The following FLNA variants were observed in gnomAD, a reference collection of about 807,000 sequenced individuals.
FLNA encodes filamin A.
A neutral mutation model predicts 157.6 loss-of-function variants in FLNA; 7 were observed. The ratio of observed to expected loss-of-function variants is 0.04; its 90% CI spans 0.03 to 0.08. The LOEUF is 0.08. FLNA is among the 10% of genes least tolerant of loss of function. The pLI is 1.00. For missense variants in FLNA, 1,750 were observed against 2,398.4 expected (o/e 0.73, Z 5.65); for synonymous variants, 1,103 against 1,060.8 (o/e 1.04, Z -0.77).
rs1321605378 is a variant in FLNA, at chrX:154,364,014, T to C, written c.2280+8A>G. 8.3e-7 allele frequency: 1 copy of C among 1,208,556 alleles called. No homozygotes were observed. Among genetic ancestry groups the C allele is most frequent in the Non-Finnish European group, 1.1e-6 (1 of 894,056 alleles). On this transcript the variant is annotated splice_region_variant and intron_variant, in intron 15 of 47. Transcript: ENST00000369850. ...AGATGGACTAAAGGCCGGTGGAGGT[T>C]GGCTCACCCTGAAGGGGCTGTTGGG...
chrX:154,360,144 G>A lies in FLNA; in HGVS notation c.3651C>T (p.His1217=), dbSNP rs1235523285. 1.7e-6 allele frequency: 2 copies of A among 1,208,609 alleles called. No individual in the cohort carries two copies. Among genetic ancestry groups the A allele is most frequent in the Non-Finnish European group, 2.2e-6 (2 of 893,763 alleles). ...GGCAGAGGGGAATGTAGGTAATGGT[G>A]TGCGTGCCATCACCGTGGTCCTGGA... is the stretch of plus-strand genomic sequence containing the variant. ...VYIQDHGDGT[H]TITYIPLCPG... The change falls in exon 22 of 48, where the codon CAC becomes CAT. Residue 1217 remains histidine (H), a synonymous_variant. Transcript: ENST00000369850.
rs782231907 is a variant in FLNA at position 154,360,540 on chromosome X, G to C, written c.3255C>G (p.Pro1085=). 3 of 1,208,567 alleles carry C rather than the reference G, an allele frequency of 2.5e-6. No individual in the cohort carries two copies. Among genetic ancestry groups the C allele is most frequent in the Admixed American group, 4.3e-5 (2 of 46,005 alleles). ...PGLQGGSAGS[P]ARFTIDTKGA... The stretch of plus-strand genomic sequence containing the variant: ...CCTTGGTGTCGATGGTGAAGCGGGC[G>C]GGGGAGCCCGCACTGCCTCCCTGCA... Residue 1085 remains proline, a synonymous_variant, in exon 22 of 48, where the codon CCC becomes CCG. Coordinates refer to ENST00000369850, the MANE Select transcript of FLNA (RefSeq NM_001110556.2).
chrX:154,373,082 G>T (rs1192391036), intron 1 of FLNA, among the ~76,000 whole-genome samples: 1 of 111,916 alleles, frequency 8.9e-6, no homozygotes, highest in Non-Finnish European at 1.9e-5. Flanking sequence ...TGGGCGTCTG[G>T]GAGCTGGGGT....
At chrX:154,371,657 G>A (rs1373020498) in intron 1 of FLNA, among the ~76,000 whole-genome samples, 1 of 113,401 alleles carries the variant, frequency 8.8e-6, no homozygotes, top group Non-Finnish European at 1.9e-5. Flanking sequence ...TCTGGCGCGG[G>A]ACTGCTTGGC....
At chrX:154,352,483 T>C (rs782726689) in intron 40 of FLNA, 36 bp from the exon 41 acceptor site, 1 of 1,211,508 alleles carries the variant, frequency 8.3e-7, no homozygotes, top group Admixed American at 2.2e-5. Context: ...GCAGCAGCCC[T>C]GGGCTCCACC....
chrX:154,358,453 T>C lies in FLNA; in HGVS notation c.4590A>G (p.Val1530=). 2 of 1,211,038 alleles carry C rather than the reference T, an allele frequency of 1.7e-6. No individual in the cohort carries two copies. Among genetic ancestry groups the C allele is most frequent in the Non-Finnish European group, 2.2e-6 (2 of 895,262 alleles). The stretch of plus-strand genomic sequence containing the variant: ...CAGGCCCTGCCTCTTACCTCCGGGG[T>C]ACCTCTTCATCTCCATACAGTACTG... The part of the protein sequence containing the change: ...SISVLYGDEE[V]PRSPFKVKVL... Residue 1530 remains valine (V), a synonymous_variant, in exon 27 of 48, where the codon GTA becomes GTG. Transcript: ENST00000369850.
At position 154,349,890 on chromosome X, in the gene FLNA, A is replaced by G. The variant is rs782428329; in HGVS notation, c.7334-23T>C. 11 of 1,200,364 alleles carry G rather than the reference A, an allele frequency of 9.2e-6. No homozygotes were observed. The South Asian group carries it at 1.6e-4, about 17-fold the overall frequency. On this transcript the variant is annotated intron_variant, in intron 45 of 47. Transcript: ENST00000369850. Reference sequence around the variant, plus strand: ...TCCCTGGGAGCACAGGAGGTCAGGCAGAGCCAGACTGGCCTGCCTCCCTGT... The same window carrying G: ...TCCCTGGGAGCACAGGAGGTCAGGCGGAGCCAGACTGGCCTGCCTCCCTGT...
In FLNA at chrX:154,371,193, C is replaced by G; in HGVS notation, c.53G>C (p.Gly18Ala). ...AGQSAAGAAPGGGVDTRDAEM... is the reference protein window; with the variant it reads ...AGQSAAGAAPAGGVDTRDAEM... ...GGCGTCCCGCGTGTCGACGCCGCCG[C>G]CCGGAGCCGCGCCTGCTGCGCTCTG... The change falls in exon 2 of 48, where the codon GGC (glycine) becomes GCC (alanine). Residue 18 changes from glycine to alanine, a missense_variant. Transcript: ENST00000369850. 8.4e-7 allele frequency: 1 copy of G among 1,195,973 alleles called. No individual in the cohort carries two copies. The highest frequency in any genetic ancestry group is 1.7e-5 in the African/African-American group (1 of 57,872).
Position 154,360,211 on chromosome X carries a change from A to G in FLNA, c.3584T>C (p.Ile1195Thr). Residue 1195 changes from isoleucine to threonine, a missense_variant, in exon 22 of 48, where the codon ATT becomes ACT. Coordinates refer to ENST00000369850, the MANE Select transcript of FLNA (RefSeq NM_001110556.2). ...CSSAGSAELT[I>T]EICSEAGLPA... ...AAGCCCCGCCTCCGAGCAGATCTCA[A>G]TGGTCAGCTCCGCGCTGCCCGCGCT... The G allele has an allele frequency of 8.3e-7, 1 of 1,210,725 alleles. No homozygotes were observed. Among genetic ancestry groups the G allele is most frequent in the Non-Finnish European group, 1.1e-6 (1 of 894,923 alleles).
chrX:154,364,376 G>C lies in FLNA; in HGVS notation c.2023-4C>G, dbSNP rs368719012. 6.5e-5 allele frequency: 78 copies of C among 1,204,300 alleles called. No homozygotes were observed. The East Asian group carries it at 1.5e-3, about 24-fold the overall frequency. On this transcript the variant is annotated splice_region_variant and splice_polypyrimidine_tract_variant and intron_variant, in intron 13 of 47. Coordinates refer to ENST00000369850, the MANE Select transcript of FLNA (RefSeq NM_001110556.2). ...ATCCAGGCCCACGTGCCTTCACCTAGCGGGAGACCACCCAGCTGTCAGGGG... is the reference window on the plus strand; with the variant it reads ...ATCCAGGCCCACGTGCCTTCACCTACCGGGAGACCACCCAGCTGTCAGGGG...
intron 15 of FLNA, among the ~76,000 whole-genome samples, chrX:154,363,480 C>T (rs2067729394): frequency 9.1e-6 from 1 of 109,559 alleles, no homozygotes; most frequent in African/African-American, 3.3e-5. Flanking sequence ...TTTGGGAGGC[C>T]GAGGTGGGCA....
chrX:154,368,201 T>A, intron 2 of FLNA, 111 bp from the exon 3 acceptor site: 1 of 1,055,593 alleles, frequency 9.5e-7, no homozygotes, highest in Non-Finnish European at 1.3e-6. Context: ...AAGGAGGAGG[T>A]AGACACCCCC....
intron 15 of FLNA, among the ~76,000 whole-genome samples, chrX:154,363,424 A>T (rs1603362050): frequency 1.8e-5 from 2 of 109,225 alleles, no homozygotes; most frequent in East Asian, 5.7e-4. Flanking sequence ...GCTCAAAAAA[A>T]AAAAACCAGG....
chrX:154,357,059 G>A (rs1026462871), intron 30 of FLNA, among the ~76,000 whole-genome samples, 192 bp downstream of exon 30: 2 of 112,179 alleles, frequency 1.8e-5, no homozygotes, highest in African/African-American at 3.2e-5. Flanking sequence ...GAGCTGGAGC[G>A]GTCATGCTCA....
intron 11 of FLNA, 30 bp from the exon 12 acceptor site, chrX:154,364,987 C>G: frequency 8.3e-7 from 1 of 1,210,745 alleles, no homozygotes; most frequent in Non-Finnish European, 1.1e-6. Context: ...ACAGGGAACA[C>G]CGAGGATCAC....
chrX:154,370,159 G>A (rs1448662158), intron 2 of FLNA, among the ~76,000 whole-genome samples: 1 of 112,285 alleles, frequency 8.9e-6, no homozygotes, highest in East Asian at 2.8e-4. Flanking sequence ...CGTGCTACAC[G>A]CAGAAAAGCA....
chrX:154,351,207 C>T (rs1021207538), intron 43 of FLNA, 166 bp from the exon 44 acceptor site: 20 of 521,820 alleles, frequency 3.8e-5, no homozygotes, highest in Admixed American at 1.4e-4. Context: ...AAGCCACAGG[C>T]GCACATCCCC....
At chrX:154,374,217 G>A (rs1557180909) in intron 1 of FLNA, among the ~76,000 whole-genome samples, 4 of 112,440 alleles carry the variant, frequency 3.6e-5, no homozygotes, top group African/African-American at 1.3e-4. Context: ...ATGGGCAAGT[G>A]CCCAGACACC....
At chrX:154,350,618 A>C (rs1557175531) in intron 44 of FLNA, 1 of 390,294 alleles carries the variant, frequency 2.6e-6, no homozygotes, top group Non-Finnish European at 4.5e-6. Context: ...AGGCCTGTGC[A>C]CAAGTACCAT....
Sources: allele counts gnomAD v4.1 joint callset (sites outside exome capture counted in the v4.1 genomes callset), GRCh38; gene constraint gnomAD v4.1.1; transcripts MANE v1.5; gene names NCBI Gene and HGNC (gene_info 2026-07-23, HGNC 2026-07-21).